Variants in SLC1A1 observed in about 807,000 individuals in gnomAD.
SLC1A1 encodes solute carrier family 1 member 1.
A neutral mutation model predicts 53.3 loss-of-function variants in SLC1A1; 43 were observed. That is an observed-to-expected ratio of 0.81 (90% CI 0.63 to 1.04). The LOEUF is 1.04. Among genes scored for constraint, SLC1A1 ranks in the 50% least tolerant of loss-of-function variants. The pLI, the probability that SLC1A1 is intolerant of heterozygous loss-of-function variation, is 0.00. For synonymous variants in SLC1A1, 307 were observed against 243.2 expected (o/e 1.26, Z -2.44); for missense variants, 748 against 664.9 (o/e 1.12, Z -1.37).
chr9:4,548,631 G>T (rs1314740995), intron 2 of SLC1A1, among the ~76,000 whole-genome samples: 1 of 152,130 alleles, frequency 6.6e-6, no homozygotes, highest in Non-Finnish European at 1.5e-5. Context: ...AAATTTACCA[G>T]GGAAATTTGA....
Position 4,583,302 on chromosome 9 carries a change from C to T in SLC1A1, c.1328+130C>T. The T allele has an allele frequency of 8.4e-7, 1 of 1,193,420 alleles. No homozygotes were observed. The highest frequency in any genetic ancestry group is 1.5e-5 in the African/African-American group (1 of 67,352). 73.9% of individuals were successfully genotyped at this position (1,193,420 alleles called of 1,614,324 possible). A position where few individuals can be genotyped will look rare whatever the true frequency, so the allele number is the denominator to read the frequency against. ...GCCACCTGTTGCTGCTTTAATTTTC[C>T]TCTGACCAGGCCATCTGATAACATG... On this transcript the variant is annotated intron_variant, in intron 11 of 11. Transcript: ENST00000262352. The surrounding 1 kb of genome is among the most constrained non-coding windows in gnomAD (Gnocchi z 4.6).
chr9:4,586,039 C>T lies in SLC1A1; in HGVS notation c.*481C>T, dbSNP rs536142613. ...AACCACCTGTCCCCAGTTAATGTGC[C>T]AAAATGTCAATTTTTAACTTATCTC... On this transcript the variant is annotated 3_prime_UTR_variant, in exon 12 of 12. Coordinates refer to ENST00000262352, the MANE Select transcript of SLC1A1 (RefSeq NM_004170.6). 1 of 174,402 alleles carries T rather than the reference C, an allele frequency of 5.7e-6. No homozygotes were observed. The highest frequency in any genetic ancestry group is 1.6e-4 in the East Asian group (1 of 6,192). The allele number at this position is 174,402 out of a possible 1,614,324, so 10.8% of individuals were successfully genotyped here.
At chr9:4,575,056 T>G (rs994156608) in intron 8 of SLC1A1, among the ~76,000 whole-genome samples, 2 of 152,190 alleles carry the variant, frequency 1.3e-5, no homozygotes, top group Non-Finnish European at 2.9e-5. Flanking sequence ...GTGTATGAGC[T>G]GAGCCATTTC....
chr9:4,563,884 G>C (rs1408524458), intron 3 of SLC1A1, among the ~76,000 whole-genome samples: 3 of 152,124 alleles, frequency 2.0e-5, no homozygotes, highest in Admixed American at 2.0e-4. Flanking sequence ...GGAAGGCAAG[G>C]CTTGTTTTGT....
At chr9:4,504,598 G>A (rs1024226998) in intron 1 of SLC1A1, among the ~76,000 whole-genome samples, 1 of 152,230 alleles carries the variant, frequency 6.6e-6, no homozygotes, top group Non-Finnish European at 1.5e-5. Context: ...AGAATTTCCT[G>A]AGGTTTCACC....
intron 1 of SLC1A1, among the ~76,000 whole-genome samples, chr9:4,498,915 T>TA (rs1315721962): frequency 6.8e-6 from 1 of 147,114 alleles, no homozygotes; most frequent in African/African-American, 2.5e-5. Context: ...CATGTATACA[T>TA]ACATATACAT....
At chr9:4,501,369 G>A (rs17811619) in intron 1 of SLC1A1, among the ~76,000 whole-genome samples, 2 of 151,328 alleles carry the variant, frequency 1.3e-5, no homozygotes, top group African/African-American at 2.5e-5. Context: ...ACTTGGCTTC[G>A]GAAACACCCT....
At chr9:4,509,753 C>T (rs1052933366) in intron 1 of SLC1A1, among the ~76,000 whole-genome samples, 1 of 152,078 alleles carries the variant, frequency 6.6e-6, no homozygotes, top group Non-Finnish European at 1.5e-5. Flanking sequence ...AGCCATATGG[C>T]ATGAGGTGCC....
chr9:4,518,321 T>G (rs1815936221), intron 1 of SLC1A1, among the ~76,000 whole-genome samples: 1 of 150,888 alleles, frequency 6.6e-6, no homozygotes, highest in South Asian at 2.1e-4. Flanking sequence ...GTTACTTCCT[T>G]GAGTGGTGAA....
intron 10 of SLC1A1, among the ~76,000 whole-genome samples, chr9:4,578,445 T>C (rs1308080796): frequency 6.6e-6 from 1 of 152,122 alleles, no homozygotes; most frequent in Non-Finnish European, 1.5e-5. Context: ...AGGGAGAGTT[T>C]GCAGAGAAGA....
intron 1 of SLC1A1, among the ~76,000 whole-genome samples, chr9:4,528,306 C>T (rs1438177035): frequency 6.6e-6 from 1 of 152,198 alleles, no homozygotes; most frequent in Non-Finnish European, 1.5e-5. Context: ...GGCACAGTGG[C>T]TCATGCCTGT....
chr9:4,555,489 G>C (rs1345911606), intron 2 of SLC1A1, among the ~76,000 whole-genome samples: 2 of 152,194 alleles, frequency 1.3e-5, no homozygotes, highest in Non-Finnish European at 2.9e-5. Context: ...TTTGTAAAAA[G>C]TTCAGATGAT....
At chr9:4,577,502 G>A (rs1201962787) in intron 10 of SLC1A1, among the ~76,000 whole-genome samples, 2 of 152,180 alleles carry the variant, frequency 1.3e-5, no homozygotes, top group Non-Finnish European at 2.9e-5. Context: ...TTGAGATGGA[G>A]TTTTGCTCTG....
In SLC1A1 at chr9:4,490,469, CA is replaced by C. The variant is rs1366573047; in HGVS notation, c.-207del. 5.9e-6 allele frequency: 2 copies of C among 338,184 alleles called. No individual in the cohort carries two copies. Among genetic ancestry groups the C allele is most frequent in the Non-Finnish European group, 1.1e-5 (2 of 187,800 alleles). The allele number at this position is 338,184 out of a possible 1,614,324, so 20.9% of individuals were successfully genotyped here. A position where few individuals can be genotyped will look rare whatever the true frequency, so the allele number is the denominator to read the frequency against. ...GGAGGAGCCGGGCGCGCCTGCCACG[CA>C]AAACTACCGGGCTGGCAGGGCGGCG... is the stretch of plus-strand genomic sequence containing the variant. On this transcript the variant is annotated 5_prime_UTR_variant, in exon 1 of 12. Transcript: ENST00000262352.
chr9:4,490,754 G>C lies in SLC1A1; in HGVS notation c.75G>C (p.Val25=), dbSNP rs769568545. 9 of 1,612,426 alleles carry C rather than the reference G, an allele frequency of 5.6e-6. No individual in the cohort carries two copies. The South Asian group carries it at 7.7e-5, about 14-fold the overall frequency. ...ATAACTGGGTGTTGCTGTCCACCGT[G>C]GCCGCGGTGGTGCTAGGTGAGCGGC... is the stretch of plus-strand genomic sequence containing the variant. ...LKNNWVLLST[V]AAVVLGITTG... is the part of the protein sequence containing the mutation. Residue 25 remains valine (V), a synonymous_variant, in exon 1 of 12, where the codon GTG becomes GTC. Coordinates refer to ENST00000262352, the MANE Select transcript of SLC1A1 (RefSeq NM_004170.6).
At chr9:4,499,405 T>C (rs72687848) in intron 1 of SLC1A1, among the ~76,000 whole-genome samples, 4,397 of 152,270 alleles carry the variant, frequency 0.029, 109 homozygotes, top group Non-Finnish European at 0.039. Context: ...GAAGAGATCC[T>C]TCTGGCCTCG....
Position 4,502,560 on chromosome 9 carries a change from C to T in SLC1A1, c.91+11790C>T, listed in dbSNP as rs150855496. 6.6e-5 allele frequency among the ~76,000 whole-genome samples: 10 copies of T among 151,550 alleles called. 1 individual carries two copies. Among genetic ancestry groups the T allele is most frequent in the African/African-American group, 2.2e-4 (9 of 40,910 alleles). On this transcript the variant is annotated intron_variant, in intron 1 of 11. Coordinates refer to ENST00000262352, the MANE Select transcript of SLC1A1 (RefSeq NM_004170.6). ...TTATGTACATTTATCTCCCATTTGA[C>T]CCTCAGTACAATGAGTTAGGGGGTT...
At chr9:4,523,317 T>C (rs909243196) in intron 1 of SLC1A1, among the ~76,000 whole-genome samples, 2 of 152,096 alleles carry the variant, frequency 1.3e-5, no homozygotes, top group African/African-American at 2.4e-5. Flanking sequence ...TTGAGTCACA[T>C]TGGAAATAAT....
intron 4 of SLC1A1, among the ~76,000 whole-genome samples, chr9:4,565,432 C>T (rs7861198): frequency 0.63 from 95,180 of 152,032 alleles, 31,049 homozygotes; most frequent in Admixed American, 0.72. Context: ...CAGTTCCTCA[C>T]GGCTGGGGAG....
Sources: gnomAD v4.1 joint callset for allele counts (sites outside exome capture counted in the v4.1 genomes callset) on GRCh38, gnomAD v4.1.1 for gene constraint, Gnocchi (gnomAD v3.1) non-coding constraint, MANE v1.5 for transcripts, NCBI Gene and HGNC (gene_info 2026-07-23, HGNC 2026-07-21) for gene names.